EIF3K: variants seen among roughly 807,000 people sequenced by gnomAD.
EIF3K encodes eIF-3 p28.
EIF3K carries 27 observed loss-of-function variants against 34.2 expected under a neutral mutation model. The ratio of observed to expected loss-of-function variants is 0.79; its 90% CI spans 0.58 to 1.09. EIF3K has a LOEUF of 1.09. Ranked by LOEUF, EIF3K falls within the 50% of genes least tolerant of loss-of-function variation. The probability of loss-of-function intolerance (pLI) is 0.00; values close to 1 mark genes in which losing one functional copy is unlikely to be tolerated. For synonymous variants in EIF3K, 105 were observed against 105.7 expected (o/e 0.99, Z 0.04); for missense variants, 232 against 275.4 (o/e 0.84, Z 1.11).
At chr19:38,634,092 T>C (rs925871877) in intron 6 of EIF3K, among the ~76,000 whole-genome samples, 1 of 98,986 alleles carries the variant, frequency 1.0e-5, no homozygotes, top group Non-Finnish European at 1.9e-5. Context: ...AAAGCTAACT[T>C]TTTTTTTTTT....
At chr19:38,629,445 G>A (rs1976015961) in intron 4 of EIF3K, among the ~76,000 whole-genome samples, 1 of 152,106 alleles carries the variant, frequency 6.6e-6, no homozygotes. Context: ...ACAGGCCCAC[G>A]CCAACACGCC....
chr19:38,635,504 C>G (rs1449993863), intron 7 of EIF3K: 1 of 311,692 alleles, frequency 3.2e-6, no homozygotes, highest in African/African-American at 2.1e-5. Context: ...AATCTTGATT[C>G]TCTAGTTTGG....
chr19:38,636,113 C>G (rs777715755), intron 7 of EIF3K, among the ~76,000 whole-genome samples: 2 of 152,150 alleles, frequency 1.3e-5, no homozygotes, highest in Non-Finnish European at 2.9e-5. Flanking sequence ...AGTGAGAACT[C>G]CAGCAAAAGA....
chr19:38,620,631 C>T (rs185915523), intron 2 of EIF3K, among the ~76,000 whole-genome samples, 196 bp downstream of exon 2: 107 of 152,244 alleles, frequency 7.0e-4, no homozygotes, highest in African/African-American at 2.4e-3. Flanking sequence ...CGGTGACTCA[C>T]GCCTGTTATC....
intron 4 of EIF3K, among the ~76,000 whole-genome samples, chr19:38,627,078 C>T (rs1284089158): frequency 6.6e-6 from 1 of 152,118 alleles, no homozygotes; most frequent in East Asian, 1.9e-4. Flanking sequence ...CTGCCGCCTC[C>T]CGAGTTCAAC....
intron 6 of EIF3K, among the ~76,000 whole-genome samples, chr19:38,634,690 G>A (rs181089258): frequency 1.8e-4 from 28 of 152,302 alleles, no homozygotes; most frequent in Admixed American, 8.5e-4. Flanking sequence ...AGATAAATAC[G>A]CTGCTCTTGT....
chr19:38,619,943 G>C (rs1486134414), intron 1 of EIF3K, among the ~76,000 whole-genome samples: 1 of 152,200 alleles, frequency 6.6e-6, no homozygotes, highest in East Asian at 1.9e-4. Flanking sequence ...TGTTCAGGTG[G>C]ACATGGAGGA....
chr19:38,627,315 C>T (rs1274590527), intron 4 of EIF3K, among the ~76,000 whole-genome samples: 3 of 151,852 alleles, frequency 2.0e-5, no homozygotes, highest in Non-Finnish European at 4.4e-5. Flanking sequence ...GTGTGTGTGT[C>T]GTCACTTCCT....
rs569223499 is a variant in EIF3K, at chr19:38,634,654, G to A, written c.500-339G>A. Among the ~76,000 whole-genome samples, 153 of 152,194 alleles carry A rather than the reference G, an allele frequency of 1.0e-3. 2 individuals carry two copies. The highest frequency in any genetic ancestry group is 3.5e-3 in the African/African-American group (147 of 41,530). Reference sequence around the variant, plus strand: ...ATGGTCATGTTATAATTTTGCAACCGTTTCATATAGGTTGTGGGAAAAGGT... The same window carrying A: ...ATGGTCATGTTATAATTTTGCAACCATTTCATATAGGTTGTGGGAAAAGGT... On this transcript the variant is annotated intron_variant, in intron 6 of 7. Coordinates refer to ENST00000248342, the MANE Select transcript of EIF3K (RefSeq NM_013234.4).
chr19:38,629,430 G>A (rs2471411), intron 4 of EIF3K, among the ~76,000 whole-genome samples: 2 of 152,200 alleles, frequency 1.3e-5, no homozygotes, highest in Non-Finnish European at 2.9e-5. Context: ...GAGTAGCTGG[G>A]ACTAACAGGC....
chr19:38,632,345 G>A, intron 4 of EIF3K, 85 bp from the exon 5 acceptor site: 1 of 1,351,060 alleles, frequency 7.4e-7, no homozygotes, highest in Non-Finnish European at 1.0e-6. Context: ...GGGCAACGTA[G>A]TGAGACCCCA....
chr19:38,626,098 T>C lies in EIF3K; in HGVS notation c.350T>C (p.Phe117Ser). 3 of 1,614,070 alleles carry C rather than the reference T, an allele frequency of 1.9e-6. No individual in the cohort carries two copies. The highest frequency in any genetic ancestry group is 2.5e-6 in the Non-Finnish European group (3 of 1,179,984). The change falls in exon 4 of 8, where the codon TTC (phenylalanine) becomes TCC (serine). Residue 117 changes from phenylalanine to serine, a missense_variant. Coordinates refer to ENST00000248342, the MANE Select transcript of EIF3K (RefSeq NM_013234.4). Reference protein sequence around the residue: ...DLLETCHFQAFWQALDENMDL... With the variant: ...DLLETCHFQASWQALDENMDL... ...CTGGAGACCTGCCATTTCCAGGCCTTCTGGGTAACTTCCCTGGGGTCCAGG... is the reference window on the plus strand; with the variant it reads ...CTGGAGACCTGCCATTTCCAGGCCTCCTGGGTAACTTCCCTGGGGTCCAGG...
In EIF3K at chr19:38,631,499, G is replaced by A. The variant is rs188701515; in HGVS notation, c.355-931G>A. The stretch of plus-strand genomic sequence containing the variant: ...GCCTTGAAGAGCAATATTGCTGCCC[G>A]CGTGTCCCACCTCCAGCCCTAAGGC... On this transcript the variant is annotated intron_variant, in intron 4 of 7. Transcript: ENST00000248342. Among the ~76,000 whole-genome samples the A allele has an allele frequency of 8.5e-5, 13 of 152,322 alleles. No homozygotes were observed. In the East Asian group the frequency reaches 1.9e-3, roughly 23 times the overall value.
At chr19:38,634,491 G>A (rs1269828474) in intron 6 of EIF3K, among the ~76,000 whole-genome samples, 1 of 151,718 alleles carries the variant, frequency 6.6e-6, no homozygotes, top group Non-Finnish European at 1.5e-5. Context: ...CCAGCTACTC[G>A]GGAGGCTGAG....
At chr19:38,636,822 G>A (rs1455221663) in intron 7 of EIF3K, 67 bp from the exon 8 acceptor site, 7 of 1,580,024 alleles carry the variant, frequency 4.4e-6, no homozygotes, top group Non-Finnish European at 6.1e-6. Context: ...TGTGGGTGCT[G>A]TAGCAGGTGG....
intron 5 of EIF3K, 50 bp downstream of exon 5, chr19:38,632,546 G>A (rs1976092813): frequency 1.2e-6 from 2 of 1,613,594 alleles, no homozygotes; most frequent in Non-Finnish European, 1.7e-6. Flanking sequence ...GGTAGGGAGT[G>A]GCAGCCAGGT....
Position 38,625,225 on chromosome 19 carries a change from C to T in EIF3K, c.280-803C>T, listed in dbSNP as rs376340613. 5.9e-5 allele frequency among the ~76,000 whole-genome samples: 9 copies of T among 151,750 alleles called. No individual in the cohort carries two copies. The East Asian group carries it at 7.7e-4, about 13-fold the overall frequency. ...TGTCACCCAGTCTGGAGTGCAGTGG[C>T]GTGATCTCGGCTTCCTGCAACTTCC... On this transcript the variant is annotated intron_variant, in intron 3 of 7. Coordinates refer to ENST00000248342, the MANE Select transcript of EIF3K (RefSeq NM_013234.4).
At chr19:38,623,044 C>T (rs930471480) in intron 2 of EIF3K, among the ~76,000 whole-genome samples, 6 of 152,106 alleles carry the variant, frequency 3.9e-5, no homozygotes, top group African/African-American at 7.2e-5. Flanking sequence ...GGTCCTGGAA[C>T]GATATACATC....
At chr19:38,623,436 T>G (rs1454539225) in intron 2 of EIF3K, among the ~76,000 whole-genome samples, 1 of 152,226 alleles carries the variant, frequency 6.6e-6, no homozygotes, top group Non-Finnish European at 1.5e-5. Flanking sequence ...CCCAAAGTGC[T>G]GGGATTACAG....
Sources: gnomAD v4.1 joint callset for allele counts (sites outside exome capture counted in the v4.1 genomes callset) on GRCh38, gnomAD v4.1.1 for gene constraint, MANE v1.5 for transcripts, NCBI Gene and HGNC (gene_info 2026-07-23, HGNC 2026-07-21) for gene names.